TBCD: variants seen among roughly 807,000 people sequenced by gnomAD.
TBCD encodes the protein tubulin-specific chaperone D.
TBCD carries 105 observed loss-of-function variants against 169.3 expected under a neutral mutation model. That is an observed-to-expected ratio of 0.62 (90% CI 0.53 to 0.73). The LOEUF (loss-of-function observed/expected upper bound fraction) is 0.73, where lower values mean the gene tolerates loss of function less well. Ranked by LOEUF, TBCD falls within the 30% of genes least tolerant of loss-of-function variation. TBCD has a pLI of 0.00. For missense variants in TBCD, 1,444 were observed against 1,600.1 expected, an observed-to-expected ratio of 0.90 and a Z score of 1.66; for synonymous variants, 700 against 643.9, an observed-to-expected ratio of 1.09 and a Z score of -1.32.
intron 17 of TBCD, among the ~76,000 whole-genome samples, chr17:82,893,952 G>A (rs954634073): frequency 3.3e-5 from 5 of 152,276 alleles, no homozygotes; most frequent in African/African-American, 9.6e-5. Context: ...CGTTTTACCC[G>A]TGCTGGTTCT....
intron 6 of TBCD, among the ~76,000 whole-genome samples, chr17:82,778,716 C>T (rs2048753243): frequency 9.4e-6 from 1 of 106,206 alleles, no homozygotes; most frequent in African/African-American, 3.8e-5. Context: ...TACTGGAGTG[C>T]AATGGCGTGA....
intron 13 of TBCD, chr17:82,840,517 G>T (rs891219606): frequency 6.6e-6 from 1 of 152,250 alleles, no homozygotes; most frequent in African/African-American, 2.4e-5. Context: ...CCTCTACCCT[G>T]CTCCTGAGAG....
In TBCD at chr17:82,840,959, T is replaced by TTG. The variant is rs1433272737; in HGVS notation, c.1318+26026_1318+26027insGT. ...TGGCCAGGACAGACAAACTGGTTTT[T>TTG]TTTTTTTTTTTTTTTTTTTTTTTTG... On this transcript the variant is annotated intron_variant, in intron 13 of 38. Coordinates refer to ENST00000355528, the MANE Select transcript of TBCD (RefSeq NM_005993.5). Among the ~76,000 whole-genome samples the TTG allele has an allele frequency of 9.4e-4, 110 of 116,654 alleles. 11 individuals are homozygous for TTG. In the South Asian group the frequency reaches 0.031, roughly 33 times the overall value. The allele number at this position is 116,654 out of a possible 152,430, so 76.5% of individuals were successfully genotyped here. A position where few individuals can be genotyped will look rare whatever the true frequency, so the allele number is the denominator to read the frequency against.
chr17:82,912,188 G>A (rs1043709651), intron 23 of TBCD, among the ~76,000 whole-genome samples: 2 of 152,186 alleles, frequency 1.3e-5, no homozygotes, highest in South Asian at 2.1e-4. Context: ...ACTGAGCAGC[G>A]CAGGGACCAA....
chr17:82,939,749 CTG>C (rs1217696419), intron 37 of TBCD, among the ~76,000 whole-genome samples: 1 of 152,244 alleles, frequency 6.6e-6, no homozygotes, highest in East Asian at 1.9e-4. Flanking sequence ...TACCACAAGG[CTG>C]TGTCTGGTGG....
intron 23 of TBCD, among the ~76,000 whole-genome samples, chr17:82,914,419 A>C (rs2060882269): frequency 6.6e-6 from 1 of 152,004 alleles, no homozygotes; most frequent in African/African-American, 2.4e-5. Context: ...GCTGGGGGGC[A>C]TCGTGGAGAA....
At position 82,923,748 on chromosome 17, in the gene TBCD, CT is replaced by C; in HGVS notation, c.2260+19del. 4 of 1,585,742 alleles carry C rather than the reference CT, an allele frequency of 2.5e-6. No individual in the cohort carries two copies. The highest frequency in any genetic ancestry group is 2.3e-5 in the East Asian group (1 of 43,808). ...CGCAATTCAGGGTGAGTGGGGAGCC[CT>C]TTTCTTGAAGACTCCAGGGGCTTCC... On this transcript the variant is annotated intron_variant, in intron 26 of 38. Transcript: ENST00000355528. This position sits in a 1 kb window ranked among gnomAD's most constrained non-coding sequence, Gnocchi z 4.6.
chr17:82,823,178 G>A (rs1288696557), intron 13 of TBCD, among the ~76,000 whole-genome samples: 1 of 152,212 alleles, frequency 6.6e-6, no homozygotes, highest in Non-Finnish European at 1.5e-5. Context: ...GCTCAGTGCC[G>A]AGGCTGGCTC....
rs114478430 is a variant in TBCD at position 82,823,662 on chromosome 17, A to G, written c.1318+8728A>G. 8.9e-3 allele frequency among the ~76,000 whole-genome samples: 1,350 copies of G among 152,114 alleles called. 17 individuals are homozygous for G. The highest frequency in any genetic ancestry group is 0.031 in the African/African-American group (1,306 of 41,486). ...GGCATCTTCTCTTACATGTGAATTC[A>G]AGGATCCTTTATTTTTTTTCAGCTT... On this transcript the variant is annotated intron_variant, in intron 13 of 38. Transcript: ENST00000355528.
chr17:82,932,514 C>CT (rs2062293366), intron 33 of TBCD, 144 bp from the exon 34 acceptor site: 1 of 718,378 alleles, frequency 1.4e-6, no homozygotes, highest in South Asian at 1.5e-5. Context: ...GTTGTTTTGT[C>CT]TTTTCCTGAA....
At position 82,831,127 on chromosome 17, in the gene TBCD, C is replaced by T. The variant is rs2053468809; in HGVS notation, c.1318+16193C>T. ...GCTTTGCTCTGGCGGGTAGAGTCTT[C>T]CCAGTGCGCTGGAGGCTGCCTTGTT... On this transcript the variant is annotated intron_variant, in intron 13 of 38. Transcript: ENST00000355528. The surrounding 1 kb of genome is among the most constrained non-coding windows in gnomAD (Gnocchi z 4.6). 6.2e-7 allele frequency: 1 copy of T among 1,614,122 alleles called. No individual in the cohort carries two copies. The highest frequency in any genetic ancestry group is 8.5e-7 in the Non-Finnish European group (1 of 1,180,038).
At chr17:82,867,885 G>A (rs2057290404) in intron 13 of TBCD, among the ~76,000 whole-genome samples, 1 of 152,190 alleles carries the variant, frequency 6.6e-6, no homozygotes, top group Admixed American at 6.5e-5. Flanking sequence ...GCCGGTGATG[G>A]TGCTGCCGGC....
chr17:82,912,570 G>T (rs1568023934), intron 23 of TBCD, among the ~76,000 whole-genome samples: 1 of 152,224 alleles, frequency 6.6e-6, no homozygotes, highest in East Asian at 1.9e-4. Context: ...CTCGCTGTGG[G>T]ACTGTGAGTG....
chr17:82,866,299 C>T (rs1171049187), intron 13 of TBCD, among the ~76,000 whole-genome samples: 3 of 152,160 alleles, frequency 2.0e-5, no homozygotes, highest in Non-Finnish European at 2.9e-5. Flanking sequence ...CCATTTTTCA[C>T]CCCAGGGTAT....
rs182671490 is a variant in TBCD, at chr17:82,766,876, C to T, written c.435+508C>T. ...GGTCCCACAGGGCCTGTGTCATTCC[C>T]CCAGCAGTGAGATGTGACCACACCT... On this transcript the variant is annotated intron_variant, in intron 4 of 38. Coordinates refer to ENST00000355528, the MANE Select transcript of TBCD (RefSeq NM_005993.5). 3.4e-3 allele frequency among the ~76,000 whole-genome samples: 512 copies of T among 152,342 alleles called. 6 individuals are homozygous for T. The highest frequency in any genetic ancestry group is 0.012 in the African/African-American group (496 of 41,592).
chr17:82,920,981 G>T lies in TBCD; in HGVS notation c.2101+363G>T, dbSNP rs766579603. 1 of 295,512 alleles carries T rather than the reference G, an allele frequency of 3.4e-6. No homozygotes were observed. The highest frequency in any genetic ancestry group is 2.2e-5 in the African/African-American group (1 of 44,786). The allele number at this position is 295,512 out of a possible 1,614,324, so 18.3% of individuals were successfully genotyped here. A position where few individuals can be genotyped will look rare whatever the true frequency, so the allele number is the denominator to read the frequency against. On this transcript the variant is annotated intron_variant, in intron 24 of 38. Transcript: ENST00000355528. This position sits in a 1 kb window ranked among gnomAD's most constrained non-coding sequence, Gnocchi z 4.1. Reference sequence around the variant, plus strand: ...GCCGGCCGCCGACACCACGGACCCTGTGGGCAGAGGCGGCTCCAGTTCCTC... The same window carrying T: ...GCCGGCCGCCGACACCACGGACCCTTTGGGCAGAGGCGGCTCCAGTTCCTC...
intron 12 of TBCD, among the ~76,000 whole-genome samples, chr17:82,811,335 A>G (rs2051429040): frequency 6.6e-6 from 1 of 152,184 alleles, no homozygotes; most frequent in Non-Finnish European, 1.5e-5. Flanking sequence ...CTTTCCCTCC[A>G]CAACGTGCAG....
chr17:82,799,782 C>T (rs2050373131), intron 8 of TBCD, among the ~76,000 whole-genome samples: 1 of 152,242 alleles, frequency 6.6e-6, no homozygotes, highest in South Asian at 2.1e-4. Context: ...TGAACACAGA[C>T]CTCCCTCTTG....
chr17:82,814,556 C>T (rs1438227106), intron 12 of TBCD, among the ~76,000 whole-genome samples: 1 of 152,208 alleles, frequency 6.6e-6, no homozygotes, highest in Non-Finnish European at 1.5e-5. Context: ...TGCTCTGTCA[C>T]CCAGGCTAGA....
Sources: gnomAD v4.1 joint callset for allele counts (sites outside exome capture counted in the v4.1 genomes callset) on GRCh38, gnomAD v4.1.1 for gene constraint, Gnocchi (gnomAD v3.1) non-coding constraint, MANE v1.5 for transcripts, NCBI Gene and HGNC (gene_info 2026-07-23, HGNC 2026-07-21) for gene names.